Variants in AATF observed in about 807,000 individuals in gnomAD.
AATF encodes apoptosis antagonizing transcription factor.
Under a neutral mutation model 63.7 loss-of-function variants are expected in AATF, and 48 were observed. The observed-to-expected ratio is 0.75, with a 90% CI of 0.60 to 0.96. AATF has a LOEUF of 0.96. Ranked by LOEUF, AATF falls within the 40% of genes least tolerant of loss-of-function variation. The pLI is 0.00. For missense variants in AATF, 639 were observed against 685.7 expected (o/e 0.93, Z 0.76); for synonymous variants, 258 against 247.7 (o/e 1.04, Z -0.39).
At chr17:37,000,244 G>A (rs950071094) in intron 8 of AATF, among the ~76,000 whole-genome samples, 2 of 152,128 alleles carry the variant, frequency 1.3e-5, no homozygotes, top group African/African-American at 4.8e-5. Flanking sequence ...TATGTTGAAG[G>A]TTGAGCTGAC....
chr17:37,022,872 T>C (rs1401317791), intron 10 of AATF, among the ~76,000 whole-genome samples: 2 of 152,202 alleles, frequency 1.3e-5, no homozygotes, highest in African/African-American at 4.8e-5. Flanking sequence ...TGGGTCAGTC[T>C]CTTTTCCTAG....
intron 11 of AATF, among the ~76,000 whole-genome samples, chr17:37,037,294 C>T (rs1437241564): frequency 6.6e-6 from 1 of 152,130 alleles, no homozygotes; most frequent in Non-Finnish European, 1.5e-5. Flanking sequence ...GGATTATAGG[C>T]GTGAGCCACC....
chr17:36,957,462 G>A (rs984823048), intron 4 of AATF, among the ~76,000 whole-genome samples: 2 of 152,108 alleles, frequency 1.3e-5, no homozygotes, highest in African/African-American at 4.8e-5. Context: ...TTTTTTATTA[G>A]TATTTGGATT....
intron 3 of AATF, 39 bp from the exon 4 acceptor site, chr17:36,953,731 T>G (rs2070875748): frequency 1.3e-6 from 2 of 1,597,858 alleles, no homozygotes; most frequent in East Asian, 4.5e-5. Flanking sequence ...CCAGAATATT[T>G]TATTATTGAG....
Position 36,989,367 on chromosome 17 carries a change from G to A in AATF, c.1270G>A (p.Glu424Lys). The change falls in exon 7 of 12, where the codon GAG becomes AAG. Residue 424 changes from glutamate (E) to lysine (K), a missense_variant. By Grantham distance (56) the Glu-to-Lys change is moderately conservative. Transcript: ENST00000619387. ...RSVYRVLGKP[E>K]PAAQPVPESL... Reference sequence around the variant, plus strand: ...TGTCTATCGAGTTCTTGGCAAACCTGAGCCAGCAGCTCAGCCTGTCCCAGA... The same window carrying A: ...TGTCTATCGAGTTCTTGGCAAACCTAAGCCAGCAGCTCAGCCTGTCCCAGA... 1 of 1,613,952 alleles carries A rather than the reference G, an allele frequency of 6.2e-7. No homozygotes were observed. The highest frequency in any genetic ancestry group is 8.5e-7 in the Non-Finnish European group (1 of 1,179,912).
At chr17:37,046,808 G>A (rs2071697412) in intron 11 of AATF, among the ~76,000 whole-genome samples, 1 of 151,588 alleles carries the variant, frequency 6.6e-6, no homozygotes, top group South Asian at 2.1e-4. Flanking sequence ...GCAGCATCCT[G>A]ATACGGATAC....
intron 8 of AATF, among the ~76,000 whole-genome samples, chr17:37,017,086 T>G (rs2071434386): frequency 1.3e-5 from 2 of 152,212 alleles, no homozygotes; most frequent in Non-Finnish European, 2.9e-5. Flanking sequence ...GAGCTCCAAT[T>G]TCCAGCCTTT....
At chr17:37,002,400 C>A (rs371576656) in intron 8 of AATF, among the ~76,000 whole-genome samples, 1 of 151,514 alleles carries the variant, frequency 6.6e-6, no homozygotes, top group South Asian at 2.1e-4. Flanking sequence ...GGGCATGGTG[C>A]CTCACACCTG....
chr17:36,958,895 A>C (rs371881558), intron 4 of AATF, among the ~76,000 whole-genome samples: 2 of 152,212 alleles, frequency 1.3e-5, no homozygotes, highest in Non-Finnish European at 2.9e-5. Flanking sequence ...CTGTAATCCT[A>C]GCACTTTGGG....
intron 4 of AATF, among the ~76,000 whole-genome samples, 158 bp downstream of exon 4, chr17:36,954,065 C>CTTTTT (rs878859973): frequency 3.3e-5 from 4 of 122,436 alleles, no homozygotes; most frequent in African/African-American, 6.3e-5. Context: ...TTCCAAGTTG[C>CTTTTT]TTTTTTTTTT....
Position 36,950,362 on chromosome 17 carries a change from A to G in AATF, c.240A>G (p.Ala80=), listed in dbSNP as rs2070844852. 1.2e-6 allele frequency: 2 copies of G among 1,614,214 alleles called. No individual in the cohort carries two copies. The highest frequency in any genetic ancestry group is 8.5e-7 in the Non-Finnish European group (1 of 1,180,044). ...GCGGCAAAACCACCTCTAGAAAAGC[A>G]TGGAATGAAGACCATTGGGAGCAGA... ...RYCGKTTSRK[A]WNEDHWEQTL... is the part of the protein sequence containing the mutation. The change falls in exon 2 of 12, where the codon GCA becomes GCG. Residue 80 remains alanine (A), a synonymous_variant. Transcript: ENST00000619387.
intron 11 of AATF, among the ~76,000 whole-genome samples, chr17:37,046,850 G>T (rs2071697757): frequency 6.6e-6 from 1 of 152,046 alleles, no homozygotes; most frequent in African/African-American, 2.4e-5. Context: ...CTCACCTTCT[G>T]TGCGGCTGGG....
intron 5 of AATF, among the ~76,000 whole-genome samples, chr17:36,987,123 G>A (rs866418932): frequency 4.6e-5 from 7 of 151,708 alleles, no homozygotes; most frequent in East Asian, 3.9e-4. Context: ...AAATAGCTGG[G>A]ACTGCAGGCA....
chr17:36,967,561 T>A (rs2071000611), intron 4 of AATF, among the ~76,000 whole-genome samples: 1 of 152,232 alleles, frequency 6.6e-6, no homozygotes, highest in Non-Finnish European at 1.5e-5. Context: ...TGTCCAGCTG[T>A]CATGCTGGGA....
chr17:36,984,532 C>G (rs1226277466), intron 4 of AATF, among the ~76,000 whole-genome samples: 1 of 152,168 alleles, frequency 6.6e-6, no homozygotes, highest in Non-Finnish European at 1.5e-5. Context: ...TGTCTGAGTA[C>G]TTTCAACACA....
intron 4 of AATF, 108 bp from the exon 5 acceptor site, chr17:36,986,509 C>G: frequency 1.2e-6 from 1 of 833,346 alleles, no homozygotes; most frequent in South Asian, 1.5e-5. Context: ...TGTGCCTCCC[C>G]TTCACTCCCC....
intron 8 of AATF, among the ~76,000 whole-genome samples, chr17:37,003,528 T>C (rs2071318330): frequency 7.4e-6 from 1 of 135,988 alleles, no homozygotes; most frequent in Non-Finnish European, 1.5e-5. Flanking sequence ...AGGGCTGGAG[T>C]GCAGTGGGGC....
chr17:36,959,571 C>T lies in AATF; in HGVS notation c.832+5664C>T, dbSNP rs115975435. Among the ~76,000 whole-genome samples, 1,429 of 152,112 alleles carry T rather than the reference C, an allele frequency of 9.4e-3. 21 individuals carry two copies. The highest frequency in any genetic ancestry group is 0.033 in the African/African-American group (1,356 of 41,488). ...AAGGTCCTAGAGAGTATTTCTGTAA[C>T]GGGTACTCTACTGTCTTTTTCAGAG... On this transcript the variant is annotated intron_variant, in intron 4 of 11. Coordinates refer to ENST00000619387, the MANE Select transcript of AATF (RefSeq NM_012138.4).
chr17:36,974,185 C>CT (rs1187198669), intron 4 of AATF, among the ~76,000 whole-genome samples: 1 of 151,928 alleles, frequency 6.6e-6, no homozygotes, highest in Non-Finnish European at 1.5e-5. Flanking sequence ...TGGTAAATAT[C>CT]TTTTCTAGGT....
Sources: gnomAD v4.1 joint callset for allele counts (sites outside exome capture counted in the v4.1 genomes callset) on GRCh38, gnomAD v4.1.1 for gene constraint, MANE v1.5 for transcripts, NCBI Gene and HGNC (gene_info 2026-07-23, HGNC 2026-07-21) for gene names.